AK3: variants seen among roughly 807,000 people sequenced by gnomAD.
The protein encoded by AK3 is adenylate kinase 3.
A neutral mutation model predicts 23.7 loss-of-function variants in AK3; 27 were observed. The ratio of observed to expected loss-of-function variants is 1.14; its 90% CI spans 0.84 to 1.57. The LOEUF (loss-of-function observed/expected upper bound fraction) is 1.57, where lower values mean the gene tolerates loss of function less well. AK3 is among the 40% of genes most tolerant of loss of function. The probability of loss-of-function intolerance (pLI) is 0.00; values close to 1 mark genes in which losing one functional copy is unlikely to be tolerated. For missense variants in AK3, 406 were observed against 285.6 expected (o/e 1.42, Z -3.04); for synonymous variants, 159 against 116.0 (o/e 1.37, Z -2.38).
chr9:4,730,307 TAC>T (rs1842123605), intron 1 of AK3, among the ~76,000 whole-genome samples: 1 of 152,194 alleles, frequency 6.6e-6, no homozygotes, highest in Non-Finnish European at 1.5e-5. Context: ...TCATACACTT[TAC>T]AAGGGCTAAT....
chr9:4,715,821 C>T (rs1200124258), intron 4 of AK3, among the ~76,000 whole-genome samples: 1 of 152,210 alleles, frequency 6.6e-6, no homozygotes, highest in Non-Finnish European at 1.5e-5. Context: ...AATGCATTCT[C>T]CCTTCCTCTG....
rs1190228776 is a variant in AK3 at position 4,741,059 on chromosome 9, G to A, written c.29C>T (p.Ala10Val). The change falls in exon 1 of 5, where the codon GCG becomes GTG. Residue 10 changes from alanine (A) to valine (V), a missense_variant. Physicochemically the swap from Ala to Val is moderately conservative, Grantham distance 64. Coordinates refer to ENST00000381809, the MANE Select transcript of AK3 (RefSeq NM_016282.4). MGASARLLR[A>V]VIMGAPGSGK... is the part of the protein sequence containing the mutation. ...CGAGCCCGGGGCCCCCATGATCACC[G>A]CTCGCAGCAGCCGCGCGGACGCCCC... is the stretch of plus-strand genomic sequence containing the variant. 2.6e-6 allele frequency: 4 copies of A among 1,559,712 alleles called. No homozygotes were observed. Among genetic ancestry groups the A allele is most frequent in the Non-Finnish European group, 3.5e-6 (4 of 1,155,380 alleles).
At chr9:4,730,670 A>G (rs1842131791) in intron 1 of AK3, among the ~76,000 whole-genome samples, 1 of 152,142 alleles carries the variant, frequency 6.6e-6, no homozygotes, top group African/African-American at 2.4e-5. Context: ...AGATAATCCT[A>G]TGTGTAGTCT....
chr9:4,725,019 C>CTTTTTT (rs1491310710), intron 1 of AK3, among the ~76,000 whole-genome samples: 2 of 53,302 alleles, frequency 3.8e-5, no homozygotes. Flanking sequence ...AGCTACTAAA[C>CTTTTTT]TCTTTTTTTT....
At position 4,741,148 on chromosome 9, in the gene AK3, A is replaced by C. The variant is rs1587666335; in HGVS notation, c.-61T>G. 1 of 1,343,950 alleles carries C rather than the reference A, an allele frequency of 7.4e-7. No homozygotes were observed. Among genetic ancestry groups the C allele is most frequent in the Non-Finnish European group, 9.6e-7 (1 of 1,045,990 alleles). 83.3% of individuals were successfully genotyped at this position (1,343,950 alleles called of 1,614,324 possible). Reference sequence around the variant, plus strand: ...GGGCTTTGGCCTGGCCTGCGCGCTCACCCGCTCGGCAGCCTGCGCCGGCCG... The same window carrying C: ...GGGCTTTGGCCTGGCCTGCGCGCTCCCCCGCTCGGCAGCCTGCGCCGGCCG... On this transcript the variant is annotated 5_prime_UTR_variant, in exon 1 of 5. Coordinates refer to ENST00000381809, the MANE Select transcript of AK3 (RefSeq NM_016282.4).
At chr9:4,718,355 G>C (rs1256184742) in intron 4 of AK3, 64 bp downstream of exon 4, 1 of 1,248,786 alleles carries the variant, frequency 8.0e-7, no homozygotes, top group Non-Finnish European at 1.2e-6. Context: ...TGTAGAGGAA[G>C]GAAAATCAAA....
chr9:4,734,180 G>A (rs1445624498), intron 1 of AK3, among the ~76,000 whole-genome samples: 1 of 152,258 alleles, frequency 6.6e-6, no homozygotes, highest in Middle Eastern at 3.4e-3. Context: ...AGACATCAGG[G>A]TTGCCTGCTT....
At chr9:4,714,981 G>A (rs1841682501) in intron 4 of AK3, among the ~76,000 whole-genome samples, 1 of 152,096 alleles carries the variant, frequency 6.6e-6, no homozygotes, top group African/African-American at 2.4e-5. Context: ...CACTTTGGGA[G>A]GCCAAGGAGG....
rs559439993 is a variant in AK3 at position 4,713,091 on chromosome 9, T to G, written c.569A>C (p.Lys190Thr). 1 of 1,613,288 alleles carries G rather than the reference T, an allele frequency of 6.2e-7. No homozygotes were observed. The highest frequency in any genetic ancestry group is 1.3e-5 in the African/African-American group (1 of 74,876). ...TKPVLEYYQK[K>T]GVLETFSGTE... The stretch of plus-strand genomic sequence containing the variant: ...TCCGGAGAATGTTTCCAGCACCCCT[T>G]TTTTCCTAAAGATGAAACAAAAACA... Residue 190 changes from lysine to threonine, a missense_variant, in exon 5 of 5, where the codon AAA becomes ACA. By Grantham distance (78) the Lys-to-Thr change is moderately conservative (BLOSUM62 -1). Transcript: ENST00000381809.
intron 4 of AK3, among the ~76,000 whole-genome samples, chr9:4,714,189 CACACACCTCCACATAT>C (rs1841656743): frequency 4.4e-4 from 1 of 2,296 alleles, no homozygotes; most frequent in Non-Finnish European, 1.3e-3. Context: ...CCTCCACATA[CACACACCTCCACATAT>C]ACACCTCCAC....
intron 1 of AK3, among the ~76,000 whole-genome samples, chr9:4,728,574 CAA>C (rs903181356): frequency 1.3e-5 from 2 of 151,642 alleles, no homozygotes; most frequent in Non-Finnish European, 2.9e-5. Flanking sequence ...GTGTCTCAAA[CAA>C]AAAAATAAAT....
intron 3 of AK3, among the ~76,000 whole-genome samples, chr9:4,718,902 C>G (rs1841812429): frequency 6.6e-6 from 1 of 152,214 alleles, no homozygotes; most frequent in African/African-American, 2.4e-5. Flanking sequence ...CACTCCTTGG[C>G]AGAGCAGGAA....
intron 1 of AK3, among the ~76,000 whole-genome samples, chr9:4,733,299 G>C (rs1035885173): frequency 2.0e-5 from 3 of 151,490 alleles, no homozygotes; most frequent in Non-Finnish European, 2.9e-5. Context: ...CAGGAAATTA[G>C]TTAAATGATA....
At chr9:4,724,675 A>G (rs928625520) in intron 1 of AK3, among the ~76,000 whole-genome samples, 2 of 152,228 alleles carry the variant, frequency 1.3e-5, no homozygotes, top group African/African-American at 2.4e-5. Flanking sequence ...GCTACTCAGG[A>G]GACTGAGGTG....
rs764466177 is a variant in AK3, at chr9:4,718,546, G to C, written c.445-9C>G. 2 of 1,557,602 alleles carry C rather than the reference G, an allele frequency of 1.3e-6. No individual in the cohort carries two copies. Among genetic ancestry groups the C allele is most frequent in the South Asian group, 1.1e-5 (1 of 89,522 alleles). On this transcript the variant is annotated splice_polypyrimidine_tract_variant and intron_variant, in intron 3 of 4. Transcript: ENST00000381809. ...GTCAGGTCATCAATGCCCTAAACAG[G>C]ATTAGAAGAGACTAGTATCAGATAT...
chr9:4,734,971 G>A (rs1476781248), intron 1 of AK3, among the ~76,000 whole-genome samples: 2 of 151,812 alleles, frequency 1.3e-5, no homozygotes, highest in Admixed American at 6.6e-5. Flanking sequence ...GACAGGAGGT[G>A]AGTTGGTGTT....
At chr9:4,729,013 A>AT (rs754323325) in intron 1 of AK3, among the ~76,000 whole-genome samples, 12,599 of 109,568 alleles carry the variant, frequency 0.11, 898 homozygotes, top group South Asian at 0.24. Flanking sequence ...ATATATATAT[A>AT]TATTTTTTTT....
intron 1 of AK3, among the ~76,000 whole-genome samples, chr9:4,728,218 A>T (rs529444739): frequency 6.6e-6 from 1 of 152,370 alleles, no homozygotes; most frequent in Admixed American, 6.5e-5. Context: ...CACAAAACTT[A>T]GATTTGTAAA....
chr9:4,719,695 T>C (rs1049339261), intron 2 of AK3, among the ~76,000 whole-genome samples: 1 of 152,120 alleles, frequency 6.6e-6, no homozygotes, highest in Admixed American at 6.6e-5. Context: ...AAAGAATTCC[T>C]CCTGCCTGCT....
Sources: gnomAD v4.1 joint callset for allele counts (sites outside exome capture counted in the v4.1 genomes callset) on GRCh38, gnomAD v4.1.1 for gene constraint, MANE v1.5 for transcripts, NCBI Gene and HGNC (gene_info 2026-07-23, HGNC 2026-07-21) for gene names.